The following CEP89 variants were observed in gnomAD, a reference collection of about 807,000 sequenced individuals.
CEP89 encodes centrosomal protein 89.
CEP89 carries 95 observed loss-of-function variants against 97.6 expected under a neutral mutation model. The ratio of observed to expected loss-of-function variants is 0.97; its 90% CI spans 0.82 to 1.15. The LOEUF (loss-of-function observed/expected upper bound fraction) is 1.15, where lower values mean the gene tolerates loss of function less well. CEP89 is among the 50% of genes most tolerant of loss of function. The pLI, the probability that CEP89 is intolerant of heterozygous loss-of-function variation, is 0.00. For missense variants in CEP89, 869 were observed against 947.7 expected, an observed-to-expected ratio of 0.92 and a Z score of 1.09; for synonymous variants, 354 against 349.1, an observed-to-expected ratio of 1.01 and a Z score of -0.16.
At chr19:32,894,614 C>G (rs1052982353) in intron 16 of CEP89, among the ~76,000 whole-genome samples, 1 of 152,158 alleles carries the variant, frequency 6.6e-6, no homozygotes, top group African/African-American at 2.4e-5. Flanking sequence ...AAAAAACACA[C>G]CCTAGGTGGA....
intron 13 of CEP89, among the ~76,000 whole-genome samples, chr19:32,916,900 C>G (rs1171534581): frequency 6.6e-6 from 1 of 151,980 alleles, no homozygotes. Flanking sequence ...CCCAGCTACC[C>G]GGGAGGTTGA....
intron 13 of CEP89, among the ~76,000 whole-genome samples, chr19:32,916,748 C>T (rs149118625): frequency 1.2e-4 from 19 of 152,258 alleles, no homozygotes; most frequent in African/African-American, 4.1e-4. Flanking sequence ...CAGTGGCTCA[C>T]GCCTGTAATC....
chr19:32,934,822 A>G (rs967945291), intron 7 of CEP89, among the ~76,000 whole-genome samples: 2 of 152,184 alleles, frequency 1.3e-5, no homozygotes, highest in East Asian at 3.9e-4. Context: ...GCCTAGAAAG[A>G]GCTGATGAGG....
chr19:32,897,887 C>T (rs1969677030), intron 16 of CEP89, among the ~76,000 whole-genome samples: 1 of 152,132 alleles, frequency 6.6e-6, no homozygotes, highest in Non-Finnish European at 1.5e-5. Flanking sequence ...TTTTATTACA[C>T]TGATGAGGAT....
chr19:32,948,714 G>C (rs570112041), intron 4 of CEP89, among the ~76,000 whole-genome samples: 15 of 152,112 alleles, frequency 9.9e-5, no homozygotes, highest in Admixed American at 9.2e-4. Flanking sequence ...CTGACACCAT[G>C]TTACTAGTTT....
At position 32,877,017 on chromosome 19, in the gene CEP89, C is replaced by G. The variant is rs775914260; in HGVS notation, c.*2145G>C. ...CAAGCACTCCTGCCCCGCGCAGCCA[C>G]GCTGGGCTGCCGCCGCCTGTCAGCC... On this transcript the variant is annotated 3_prime_UTR_variant, in exon 19 of 19. Coordinates refer to ENST00000305768, the MANE Select transcript of CEP89 (RefSeq NM_032816.5). The G allele has an allele frequency of 6.6e-6, 1 of 152,242 alleles. No homozygotes were observed. The highest frequency in any genetic ancestry group is 6.5e-5 in the Admixed American group (1 of 15,288). The allele number at this position is 152,242 out of a possible 1,614,324, so 9.4% of individuals were successfully genotyped here.
Position 32,881,825 on chromosome 19 carries a change from C to G in CEP89, c.2135+19G>C. The G allele has an allele frequency of 6.3e-7, 1 of 1,587,580 alleles. No homozygotes were observed. The highest frequency in any genetic ancestry group is 8.5e-7 in the Non-Finnish European group (1 of 1,172,056). On this transcript the variant is annotated intron_variant, in intron 18 of 18. Transcript: ENST00000305768. The stretch of plus-strand genomic sequence containing the variant: ...ATTCAGACATCTCTGCGGGCCATGG[C>G]GCAGGGCGCATGCCCCACCTGTTCT...
intron 14 of CEP89, among the ~76,000 whole-genome samples, chr19:32,903,184 GAA>G (rs71176165): frequency 4.0e-5 from 6 of 149,670 alleles, no homozygotes; most frequent in South Asian, 2.1e-4. Context: ...TCTACAAAAA[GAA>G]AAAAAAAAAG....
chr19:32,959,422 A>G (rs1425421711), intron 3 of CEP89, among the ~76,000 whole-genome samples: 1 of 152,086 alleles, frequency 6.6e-6, no homozygotes, highest in Non-Finnish European at 1.5e-5. Context: ...GTCAGCTCAA[A>G]CCCAGGACAA....
At chr19:32,882,740 A>G (rs1308900046) in intron 17 of CEP89, among the ~76,000 whole-genome samples, 2 of 152,202 alleles carry the variant, frequency 1.3e-5, no homozygotes, top group African/African-American at 4.8e-5. Context: ...GAAGAATCCA[A>G]CAAGGGCTGT....
At chr19:32,941,990 G>T (rs1002666854) in intron 5 of CEP89, among the ~76,000 whole-genome samples, 1 of 152,184 alleles carries the variant, frequency 6.6e-6, no homozygotes, top group African/African-American at 2.4e-5. Flanking sequence ...CCTCAGATCT[G>T]ACTGCTTTCA....
intron 5 of CEP89, among the ~76,000 whole-genome samples, chr19:32,940,915 G>A (rs1036418674): frequency 2.6e-5 from 4 of 151,774 alleles, no homozygotes; most frequent in South Asian, 2.1e-4. Context: ...CATGCGCCAC[G>A]ACACCCAGCT....
At chr19:32,931,964 G>C (rs934749081) in intron 8 of CEP89, among the ~76,000 whole-genome samples, 5 of 152,140 alleles carry the variant, frequency 3.3e-5, no homozygotes, top group Admixed American at 6.5e-5. Context: ...GGTGGATCAC[G>C]AGGTGAGGAG....
chr19:32,933,840 C>T (rs550094340), intron 7 of CEP89, among the ~76,000 whole-genome samples, 171 bp from the exon 8 acceptor site: 2 of 152,232 alleles, frequency 1.3e-5, no homozygotes, highest in East Asian at 3.9e-4. Context: ...GAAGTCACAG[C>T]GGGTGGCAGG....
intron 2 of CEP89, among the ~76,000 whole-genome samples, chr19:32,964,991 T>G (rs10413622): frequency 0.29 from 44,439 of 152,024 alleles, 7,475 homozygotes; most frequent in African/African-American, 0.45. Flanking sequence ...CCGCAGCCTT[T>G]TCCTCTTGGG....
chr19:32,961,557 C>T (rs188941968), intron 2 of CEP89, among the ~76,000 whole-genome samples: 2,529 of 128,822 alleles, frequency 0.02, 88 homozygotes, highest in African/African-American at 0.07. Context: ...CCAGCCTGGG[C>T]GACAGAGCGA....
intron 10 of CEP89, among the ~76,000 whole-genome samples, 176 bp from the exon 11 acceptor site, chr19:32,926,449 T>C (rs1970359605): frequency 6.6e-6 from 1 of 152,172 alleles, no homozygotes; most frequent in Non-Finnish European, 1.5e-5. Flanking sequence ...TTTCTCTCCT[T>C]GGATCCTTCC....
chr19:32,925,133 C>G (rs1212796319), intron 11 of CEP89, among the ~76,000 whole-genome samples: 1 of 152,046 alleles, frequency 6.6e-6, no homozygotes, highest in African/African-American at 2.4e-5. Context: ...CTTAAAGGAC[C>G]CTCCCAGCTC....
At position 32,918,598 on chromosome 19, in the gene CEP89, G is replaced by A. The variant is rs528826529; in HGVS notation, c.1269-259C>T. 1.1e-3 allele frequency among the ~76,000 whole-genome samples: 170 copies of A among 152,320 alleles called. 1 individual carries two copies. Among genetic ancestry groups the A allele is most frequent in the Non-Finnish European group, 2.3e-3 (158 of 68,036 alleles). ...TTTCAAACATGTACAGAAGTAAAGA[G>A]GATAGAGTAGGAGACTCCTATGTGC... is the stretch of plus-strand genomic sequence containing the variant. On this transcript the variant is annotated intron_variant, in intron 12 of 18. Coordinates refer to ENST00000305768, the MANE Select transcript of CEP89 (RefSeq NM_032816.5).
Sources: allele counts gnomAD v4.1 joint callset (sites outside exome capture counted in the v4.1 genomes callset), GRCh38; gene constraint gnomAD v4.1.1; transcripts MANE v1.5; gene names NCBI Gene and HGNC (gene_info 2026-07-23, HGNC 2026-07-21).